DLG2: variants seen among roughly 807,000 people sequenced by gnomAD.
DLG2 encodes disks large homolog 2.
A neutral mutation model predicts 132.5 loss-of-function variants in DLG2; 45 were observed. The observed-to-expected ratio is 0.34, with a 90% confidence interval of 0.27 to 0.44. The LOEUF (loss-of-function observed/expected upper bound fraction) is 0.44, where lower values mean the gene tolerates loss of function less well. Among genes scored for constraint, DLG2 ranks in the 20% least tolerant of loss-of-function variants. DLG2 has a pLI of 1.00. For synonymous variants in DLG2, 424 were observed against 419.6 expected (o/e 1.01, Z -0.13); for missense variants, 1,045 against 1,196.9 (o/e 0.87, Z 1.87).
chr11:85,361,644 T>C (rs2084164902), intron 3 of DLG2, among the ~76,000 whole-genome samples: 1 of 152,232 alleles, frequency 6.6e-6, no homozygotes, highest in African/African-American at 2.4e-5. Flanking sequence ...ATTTCAGGAC[T>C]TTTTATATAG....
intron 6 of DLG2, among the ~76,000 whole-genome samples, chr11:84,956,962 T>G (rs1158679985): frequency 6.6e-6 from 1 of 152,220 alleles, no homozygotes; most frequent in Non-Finnish European, 1.5e-5. Context: ...AATATTTTCA[T>G]ATATCTTTGT....
chr11:83,462,104 G>A lies in DLG2; in HGVS notation c.2730-11C>T. 6.4e-7 allele frequency: 1 copy of A among 1,570,862 alleles called. No homozygotes were observed. The highest frequency in any genetic ancestry group is 8.8e-7 in the Non-Finnish European group (1 of 1,140,714). On this transcript the variant is annotated splice_polypyrimidine_tract_variant and intron_variant, in intron 26 of 27. Coordinates refer to ENST00000376104, the MANE Select transcript of DLG2 (RefSeq NM_001142699.3). ...CGCTTATTCATCTCCCTGGGAAAAT[G>A]AGGGTTTGTATTAGAACATAAAGGG...
At chr11:85,439,423 G>T (rs2091662250) in intron 3 of DLG2, among the ~76,000 whole-genome samples, 3 of 147,522 alleles carry the variant, frequency 2.0e-5, no homozygotes, top group Non-Finnish European at 4.5e-5. Flanking sequence ...GCAGTGGCTT[G>T]ATCTCTGCTC....
intron 6 of DLG2, among the ~76,000 whole-genome samples, chr11:84,789,964 A>G (rs1366284583): frequency 6.6e-6 from 1 of 152,100 alleles, no homozygotes; most frequent in East Asian, 1.9e-4. Context: ...TATGTACCAC[A>G]TTTTCTTTAT....
chr11:84,354,777 C>G (rs188868205), intron 7 of DLG2, among the ~76,000 whole-genome samples: 1 of 152,186 alleles, frequency 6.6e-6, no homozygotes. Context: ...CAATTTGAGT[C>G]AAATGCGGTT....
intron 10 of DLG2, among the ~76,000 whole-genome samples, chr11:84,083,604 G>C (rs942708139): frequency 2.0e-5 from 3 of 152,176 alleles, no homozygotes; most frequent in African/African-American, 7.2e-5. Context: ...TATTTAGAGA[G>C]AAGGTGGTTA....
chr11:85,249,529 C>T (rs2076297408), intron 4 of DLG2, among the ~76,000 whole-genome samples: 1 of 151,928 alleles, frequency 6.6e-6, no homozygotes, highest in Non-Finnish European at 1.5e-5. Flanking sequence ...TGTATGTTGA[C>T]CTATATAACA....
At chr11:84,862,468 G>A (rs2083865243) in intron 6 of DLG2, among the ~76,000 whole-genome samples, 1 of 152,006 alleles carries the variant, frequency 6.6e-6, no homozygotes, top group Non-Finnish European at 1.5e-5. Flanking sequence ...TCCCATTACT[G>A]GGTATATACC....
At chr11:84,917,969 G>T (rs7111775) in intron 6 of DLG2, among the ~76,000 whole-genome samples, 81,157 of 151,864 alleles carry the variant, frequency 0.53, 22,015 homozygotes, top group South Asian at 0.6. Flanking sequence ...TTACTCGAAC[G>T]GTCCATACAT....
At chr11:85,621,770 G>A (rs761880264) in intron 2 of DLG2, among the ~76,000 whole-genome samples, 1 of 152,230 alleles carries the variant, frequency 6.6e-6, no homozygotes, top group Non-Finnish European at 1.5e-5. Flanking sequence ...TTCTTCAGAT[G>A]AAATCTACTT....
At chr11:85,574,647 T>C (rs2078047210) in intron 3 of DLG2, among the ~76,000 whole-genome samples, 1 of 152,126 alleles carries the variant, frequency 6.6e-6, no homozygotes. Flanking sequence ...CCTGTGGTAA[T>C]GAGTTACTGC....
intron 11 of DLG2, among the ~76,000 whole-genome samples, chr11:83,990,687 C>A (rs1266437421): frequency 6.6e-6 from 1 of 152,140 alleles, no homozygotes; most frequent in African/African-American, 2.4e-5. Context: ...GTCTTATAAT[C>A]ATTCAGTGAA....
intron 21 of DLG2, among the ~76,000 whole-genome samples, chr11:83,518,618 C>G (rs1280713171): frequency 6.6e-6 from 1 of 152,170 alleles, no homozygotes; most frequent in East Asian, 1.9e-4. Context: ...TTCTGTGTTG[C>G]TCATGCTGGG....
intron 21 of DLG2, among the ~76,000 whole-genome samples, chr11:83,497,294 G>A (rs1281521017): frequency 2.0e-5 from 3 of 152,170 alleles, no homozygotes; most frequent in East Asian, 1.9e-4. Context: ...TGTAATCCCA[G>A]CACTTTGGGA....
chr11:85,263,378 G>A (rs564033517), intron 4 of DLG2, among the ~76,000 whole-genome samples: 6 of 152,294 alleles, frequency 3.9e-5, no homozygotes, highest in South Asian at 2.1e-4. Flanking sequence ...CCCCCAAAAC[G>A]CATGTGAGTT....
At chr11:84,483,106 A>G (rs2099141945) in intron 7 of DLG2, among the ~76,000 whole-genome samples, 3 of 152,256 alleles carry the variant, frequency 2.0e-5, no homozygotes, top group African/African-American at 7.2e-5. Context: ...TAAGGAATAC[A>G]TAAAGAACGA....
rs190557126 is a variant in DLG2 at position 83,717,606 on chromosome 11, C to G, written c.1825+69084G>C. 3.9e-4 allele frequency among the ~76,000 whole-genome samples: 59 copies of G among 152,244 alleles called. 1 individual carries two copies. The highest frequency in any genetic ancestry group is 2.9e-3 in the South Asian group (14 of 4,810). ...ACAGGCTAATTGACTATAGCTGTCA[C>G]GACAGTTGATTACAGTGTCTGTCTG... On this transcript the variant is annotated intron_variant, in intron 18 of 27. Coordinates refer to ENST00000376104, the MANE Select transcript of DLG2 (RefSeq NM_001142699.3).
At chr11:84,479,835 T>C (rs1182739426) in intron 7 of DLG2, among the ~76,000 whole-genome samples, 1 of 152,112 alleles carries the variant, frequency 6.6e-6, no homozygotes, top group Non-Finnish European at 1.5e-5. Context: ...TACTAAAAAA[T>C]ATAATAAACT....
intron 6 of DLG2, among the ~76,000 whole-genome samples, chr11:84,907,772 AG>A (rs1386687314): frequency 3.3e-5 from 5 of 152,194 alleles, no homozygotes; most frequent in Non-Finnish European, 5.9e-5. Context: ...CATTCTCCCA[AG>A]ACAATATAAA....
Sources: allele counts gnomAD v4.1 joint callset (sites outside exome capture counted in the v4.1 genomes callset), GRCh38; gene constraint gnomAD v4.1.1; transcripts MANE v1.5; gene names NCBI Gene and HGNC (gene_info 2026-07-23, HGNC 2026-07-21).